The following CDK20 variants were observed in gnomAD, a reference collection of about 807,000 sequenced individuals.
The protein encoded by CDK20 is cyclin-dependent kinase 20.
A neutral mutation model predicts 38.6 loss-of-function variants in CDK20; 40 were observed. The ratio of observed to expected loss-of-function variants is 1.04; its 90% CI spans 0.81 to 1.35. The LOEUF is 1.35. CDK20 is among the 40% of genes most tolerant of loss of function. The pLI, the probability that CDK20 is intolerant of heterozygous loss-of-function variation, is 0.00. For synonymous variants in CDK20, 209 were observed against 185.7 expected (o/e 1.13, Z -1.02); for missense variants, 512 against 452.6 (o/e 1.13, Z -1.19).
intron 1 of CDK20, 60 bp from the exon 2 acceptor site, chr9:87,974,095 T>C (rs1168444931): frequency 3.7e-6 from 6 of 1,610,498 alleles, no homozygotes; most frequent in Non-Finnish European, 4.2e-6. Context: ...GAGATGAAGG[T>C]GGGTGAGGGG....
rs896529605 is a variant in CDK20, at chr9:87,971,063, T to C, written c.378+84A>G. The C allele has an allele frequency of 2.7e-5, 41 of 1,522,244 alleles. No homozygotes were observed. The African/African-American group carries it at 4.9e-4, about 18-fold the overall frequency. 94.3% of individuals were successfully genotyped at this position (1,522,244 alleles called of 1,614,324 possible). On this transcript the variant is annotated intron_variant, in intron 3 of 7. Transcript: ENST00000325303. Reference sequence around the variant, plus strand: ...CTTGACCAGCTCTGTCCCAACTTCTTATCACACCTTTTACAAGGGCTAGCC... The same window carrying C: ...CTTGACCAGCTCTGTCCCAACTTCTCATCACACCTTTTACAAGGGCTAGCC...
intron 3 of CDK20, 121 bp from the exon 4 acceptor site, chr9:87,971,018 C>G: frequency 6.6e-7 from 1 of 1,509,530 alleles, no homozygotes; most frequent in South Asian, 1.2e-5. Context: ...GGGCCATGCC[C>G]TGGCCACTTA....
intron 6 of CDK20, 40 bp from the exon 7 acceptor site, chr9:87,969,389 TC>T (rs1829689616): frequency 6.2e-7 from 1 of 1,601,230 alleles, no homozygotes; most frequent in African/African-American, 1.3e-5. Flanking sequence ...TGAGAGTAGT[TC>T]CCGACCCTTG....
rs1388818774 is a variant in CDK20, at chr9:87,966,865, C to T, written c.*597G>A. 2.7e-6 allele frequency: 1 copy of T among 364,610 alleles called. No individual in the cohort carries two copies. Among genetic ancestry groups the T allele is most frequent in the African/African-American group, 2.1e-5 (1 of 46,916 alleles). 22.6% of individuals were successfully genotyped at this position (364,610 alleles called of 1,614,324 possible). A position where few individuals can be genotyped will look rare whatever the true frequency, so the allele number is the denominator to read the frequency against. On this transcript the variant is annotated 3_prime_UTR_variant, in exon 8 of 8. Transcript: ENST00000325303. ...GTCCCTCAGGGCAAAAGTGGCTATGCCTGGTGCTACCCTCCCCATGACCCC... is the reference window on the plus strand; with the variant it reads ...GTCCCTCAGGGCAAAAGTGGCTATGTCTGGTGCTACCCTCCCCATGACCCC...
Position 87,971,341 on chromosome 9 carries a change from G to A in CDK20, c.190-6C>T. 6.2e-7 allele frequency: 1 copy of A among 1,607,866 alleles called. No individual in the cohort carries two copies. ...ACAGCCTTCAGTTGTACCACCTGTG[G>A]GCAGGACATCTTGTTAGCCCCCAGA... On this transcript the variant is annotated splice_polypyrimidine_tract_variant and splice_region_variant and intron_variant, in intron 2 of 7. Transcript: ENST00000325303.
At chr9:87,969,113 G>T (rs1829659203) in intron 7 of CDK20, 81 bp downstream of exon 7, 5 of 1,494,154 alleles carry the variant, frequency 3.3e-6, no homozygotes, top group Non-Finnish European at 4.6e-6. Context: ...ATGTGATGGG[G>T]TCACATGGCT....
chr9:87,966,801 A>T lies in CDK20; in HGVS notation c.*661T>A. The stretch of plus-strand genomic sequence containing the variant: ...CTGGGCCTAGACTTCTGTCTCCCTC[A>T]CTTCTAAATGAGTGCTCAGTGATGT... On this transcript the variant is annotated 3_prime_UTR_variant, in exon 8 of 8. Coordinates refer to ENST00000325303, the MANE Select transcript of CDK20 (RefSeq NM_001039803.3). The T allele has an allele frequency of 2.9e-6, 1 of 340,900 alleles. No homozygotes were observed. Among genetic ancestry groups the T allele is most frequent in the Non-Finnish European group, 5.8e-6 (1 of 172,500 alleles). 21.1% of individuals were successfully genotyped at this position (340,900 alleles called of 1,614,324 possible).
intron 7 of CDK20, chr9:87,968,067 T>C (rs1230921979): frequency 4.9e-5 from 8 of 164,852 alleles, no homozygotes; most frequent in Non-Finnish European, 1.1e-4. Flanking sequence ...GACATGAGGC[T>C]CCAGGCCAGG....
At chr9:87,974,170 C>G in intron 1 of CDK20, 135 bp from the exon 2 acceptor site, 1 of 1,476,916 alleles carries the variant, frequency 6.8e-7, no homozygotes, top group Middle Eastern at 1.8e-4. Flanking sequence ...GGGTCTAGGA[C>G]TAGCCTGGGA....
In CDK20 at chr9:87,967,234, C is replaced by T. The variant is rs754435240; in HGVS notation, c.*228G>A. The T allele has an allele frequency of 1.0e-5, 7 of 692,430 alleles. No homozygotes were observed. Among genetic ancestry groups the T allele is most frequent in the Admixed American group, 8.0e-5 (4 of 49,966 alleles). 42.9% of individuals were successfully genotyped at this position (692,430 alleles called of 1,614,324 possible). On this transcript the variant is annotated 3_prime_UTR_variant, in exon 8 of 8. Coordinates refer to ENST00000325303, the MANE Select transcript of CDK20 (RefSeq NM_001039803.3). ...GTAGCACACAGAAGGTAAGGCTCACCGAGCACAGGCCATGAATCTCCTCTG... is the reference window on the plus strand; with the variant it reads ...GTAGCACACAGAAGGTAAGGCTCACTGAGCACAGGCCATGAATCTCCTCTG...
In CDK20 at chr9:87,967,190, T is replaced by C. The variant is rs770975472; in HGVS notation, c.*272A>G. ...GGCCTTGACTGGCAGCAGAGCTCAC[T>C]GTCCTGATGGGTACGTCAGTAGCAC... On this transcript the variant is annotated 3_prime_UTR_variant, in exon 8 of 8. Coordinates refer to ENST00000325303, the MANE Select transcript of CDK20 (RefSeq NM_001039803.3). 1 of 677,316 alleles carries C rather than the reference T, an allele frequency of 1.5e-6. No individual in the cohort carries two copies. Among genetic ancestry groups the C allele is most frequent in the Non-Finnish European group, 2.8e-6 (1 of 363,024 alleles). The allele number at this position is 677,316 out of a possible 1,614,324, so 42.0% of individuals were successfully genotyped here. A position where few individuals can be genotyped will look rare whatever the true frequency, so the allele number is the denominator to read the frequency against.
At position 87,970,880 on chromosome 9, in the gene CDK20, G is replaced by T. The variant is rs1564157732; in HGVS notation, c.396C>A (p.Asn132Lys). ...GCTGGCCTGAGGCGCTGATGAGCAG[G>T]TTGGCAGGTTTCAGGTCCTGGGAGT... ...NIVHRDLKPA[N>K]LLISASGQLK... The change falls in exon 4 of 8, where the codon AAC (asparagine) becomes AAA (lysine). Residue 132 changes from asparagine to lysine, a missense_variant. Asn to Lys is a moderately conservative substitution (Grantham distance 94). Transcript: ENST00000325303. The T allele has an allele frequency of 1.2e-6, 2 of 1,614,190 alleles. No individual in the cohort carries two copies. Among genetic ancestry groups the T allele is most frequent in the Non-Finnish European group, 1.7e-6 (2 of 1,180,036 alleles).
chr9:87,970,951 G>A, intron 3 of CDK20, 54 bp from the exon 4 acceptor site: 1 of 1,607,344 alleles, frequency 6.2e-7, no homozygotes, highest in Non-Finnish European at 8.5e-7. Context: ...AGGACCTTGG[G>A]ACAAGCGGGC....
At position 87,974,126 on chromosome 9, in the gene CDK20, ACG is replaced by A; in HGVS notation, c.76-93_76-92del. On this transcript the variant is annotated intron_variant, in intron 1 of 7. Coordinates refer to ENST00000325303, the MANE Select transcript of CDK20 (RefSeq NM_001039803.3). ...AGGGGAAGGTGGTTGAGAGAGAGAC[ACG>A]CGCCCCCGGCTCGGCCAGAGGCCCT... 3 of 1,588,976 alleles carry A rather than the reference ACG, an allele frequency of 1.9e-6. No individual in the cohort carries two copies. In the South Asian group the frequency reaches 3.3e-5, roughly 18 times the overall value.
chr9:87,970,457 A>G (rs1829766396), intron 5 of CDK20, 111 bp downstream of exon 5: 13 of 993,138 alleles, frequency 1.3e-5, no homozygotes, highest in Non-Finnish European at 1.9e-5. Flanking sequence ...GACACCCTTA[A>G]GGAAGCCTAA....
chr9:87,966,531 T>C lies in CDK20; in HGVS notation c.*931A>G, dbSNP rs980929173. The C allele has an allele frequency of 2.5e-5, 4 of 157,332 alleles. No individual in the cohort carries two copies. Among genetic ancestry groups the C allele is most frequent in the Non-Finnish European group, 4.2e-5 (3 of 70,878 alleles). 9.7% of individuals were successfully genotyped at this position (157,332 alleles called of 1,614,324 possible). A position where few individuals can be genotyped will look rare whatever the true frequency, so the allele number is the denominator to read the frequency against. ...TACCGTAAGTCCTTCCATCATTTCCTCTTCTGCATCTGGTTCCACTTCCTT... is the reference window on the plus strand; with the variant it reads ...TACCGTAAGTCCTTCCATCATTTCCCCTTCTGCATCTGGTTCCACTTCCTT... On this transcript the variant is annotated 3_prime_UTR_variant, in exon 8 of 8. Transcript: ENST00000325303.
Position 87,970,638 on chromosome 9 carries a change from G to A in CDK20, c.501-8C>T. On this transcript the variant is annotated splice_polypyrimidine_tract_variant and splice_region_variant and intron_variant, in intron 4 of 7. Transcript: ENST00000325303. ...TCGGGGGCTCGGTACCACCTGCGAG[G>A]AAGAGGGCTGGCAGGCACTGGGCTG... is the stretch of plus-strand genomic sequence containing the variant. 1 of 1,614,072 alleles carries A rather than the reference G, an allele frequency of 6.2e-7. No homozygotes were observed. The highest frequency in any genetic ancestry group is 8.5e-7 in the Non-Finnish European group (1 of 1,179,986).
rs1354021079 is a variant in CDK20 at position 87,973,947 on chromosome 9, A to C, written c.164T>G (p.Leu55Arg). The change falls in exon 2 of 8, where the codon CTG (leucine) becomes CGG (arginine). Residue 55 changes from leucine to arginine, a missense_variant. Leu to Arg is a moderately radical substitution (Grantham distance 102, BLOSUM62 -2). Transcript: ENST00000325303. ...ATACTGATTGTCCTCCATCTCCTGCAGAGCCTTAATCTCCCGCAGGGCCTG... is the reference window on the plus strand; with the variant it reads ...ATACTGATTGTCCTCCATCTCCTGCCGAGCCTTAATCTCCCGCAGGGCCTG... Reference protein sequence around the residue: ...PNQALREIKALQEMEDNQYVV... With the variant: ...PNQALREIKARQEMEDNQYVV... 24 of 1,613,990 alleles carry C rather than the reference A, an allele frequency of 1.5e-5. No individual in the cohort carries two copies. Among genetic ancestry groups the C allele is most frequent in the Non-Finnish European group, 2.0e-5 (24 of 1,179,994 alleles).
At chr9:87,972,955 C>T (rs28364942) in intron 2 of CDK20, among the ~76,000 whole-genome samples, 2,468 of 152,264 alleles carry the variant, frequency 0.016, 81 homozygotes, top group African/African-American at 0.055. Context: ...TAAAATCCAA[C>T]AGAAAAAGAA....
Sources: allele counts gnomAD v4.1 joint callset (sites outside exome capture counted in the v4.1 genomes callset), GRCh38; gene constraint gnomAD v4.1.1; transcripts MANE v1.5; gene names NCBI Gene and HGNC (gene_info 2026-07-23, HGNC 2026-07-21).